The following IL1RAPL1 variants were observed in gnomAD, a reference collection of about 807,000 sequenced individuals.
IL1RAPL1 encodes interleukin 1 receptor accessory protein like 1.
Under a neutral mutation model 48.4 loss-of-function variants are expected in IL1RAPL1, and 3 were observed. That is an observed-to-expected ratio of 0.06 (90% CI 0.03 to 0.16). The LOEUF is 0.16. Ranked by LOEUF, IL1RAPL1 falls within the 10% of genes least tolerant of loss-of-function variation. The pLI is 1.00. For missense variants in IL1RAPL1, 349 were observed against 530.6 expected, an observed-to-expected ratio of 0.66 and a Z score of 3.36; for synonymous variants, 185 against 187.7, an observed-to-expected ratio of 0.99 and a Z score of 0.12.
chrX:28,603,141 G>A (rs1188340703), intron 1 of IL1RAPL1, among the ~76,000 whole-genome samples: 1 of 111,597 alleles, frequency 9.0e-6, no homozygotes, highest in African/African-American at 3.3e-5. Flanking sequence ...GGAGTTGTAG[G>A]CAACATATTT....
At chrX:29,221,357 T>C (rs1930970693) in intron 2 of IL1RAPL1, among the ~76,000 whole-genome samples, 3 of 111,140 alleles carry the variant, frequency 2.7e-5, no homozygotes, top group Admixed American at 9.7e-5. Flanking sequence ...CAAAGATCAA[T>C]GGAATGAAGG....
chrX:28,958,444 G>A (rs1457058429), intron 2 of IL1RAPL1, among the ~76,000 whole-genome samples: 4 of 111,176 alleles, frequency 3.6e-5, no homozygotes, highest in Admixed American at 9.7e-5. Context: ...AAATTTGGGG[G>A]TCATAACGTT....
intron 3 of IL1RAPL1, among the ~76,000 whole-genome samples, chrX:29,333,699 G>C (rs746094077): frequency 0.066 from 3,081 of 46,431 alleles, 134 homozygotes; most frequent in East Asian, 0.13. Context: ...GTGGCTGGCC[G>C]GGCGGGGGGC....
intron 6 of IL1RAPL1, among the ~76,000 whole-genome samples, chrX:29,752,418 C>T (rs186854065): frequency 9.5e-6 from 1 of 105,010 alleles, no homozygotes; most frequent in Non-Finnish European, 1.9e-5. Flanking sequence ...ATCGCTTGAA[C>T]CCAGGAGGCG....
chrX:28,875,568 A>G (rs1297522768), intron 2 of IL1RAPL1, among the ~76,000 whole-genome samples: 1 of 111,686 alleles, frequency 9.0e-6, no homozygotes. Flanking sequence ...CTCATGTTCA[A>G]ATGTGATCTC....
chrX:29,494,056 G>A (rs1034416011), intron 5 of IL1RAPL1, among the ~76,000 whole-genome samples: 1 of 109,879 alleles, frequency 9.1e-6, no homozygotes, highest in Non-Finnish European at 1.9e-5. Flanking sequence ...CATCAGGCCC[G>A]GCTACTTTTT....
intron 2 of IL1RAPL1, among the ~76,000 whole-genome samples, chrX:28,921,045 G>A: frequency 9.0e-6 from 1 of 111,119 alleles, no homozygotes; most frequent in East Asian, 2.9e-4. Context: ...CCCTACTTGA[G>A]GGTGGGATTG....
intron 2 of IL1RAPL1, among the ~76,000 whole-genome samples, chrX:28,827,742 C>T (rs1937008548): frequency 9.0e-6 from 1 of 111,609 alleles, no homozygotes; most frequent in Non-Finnish European, 1.9e-5. Flanking sequence ...TGCTTTCCCA[C>T]AAATATTGAA....
At chrX:28,845,828 G>A (rs778494102) in intron 2 of IL1RAPL1, among the ~76,000 whole-genome samples, 3 of 110,696 alleles carry the variant, frequency 2.7e-5, no homozygotes, top group Non-Finnish European at 5.7e-5. Flanking sequence ...GAAGGTACAG[G>A]GATTTATTTT....
chrX:28,634,325 ATG>A (rs756591652), intron 1 of IL1RAPL1, among the ~76,000 whole-genome samples: 1,522 of 106,429 alleles, frequency 0.014, 15 homozygotes, highest in Middle Eastern at 0.03. Context: ...TTATATATAT[ATG>A]TGTGTGTGTG....
At chrX:29,219,813 T>C (rs1367068323) in intron 2 of IL1RAPL1, among the ~76,000 whole-genome samples, 1 of 111,416 alleles carries the variant, frequency 9.0e-6, no homozygotes, top group Non-Finnish European at 1.9e-5. Context: ...CAGCCTTACT[T>C]CCTGCTACTC....
intron 8 of IL1RAPL1, among the ~76,000 whole-genome samples, chrX:29,920,997 C>T (rs911890212): frequency 9.0e-6 from 1 of 110,675 alleles, no homozygotes; most frequent in East Asian, 2.8e-4. Flanking sequence ...ACAATAGTCT[C>T]CAATGATGAA....
intron 6 of IL1RAPL1, among the ~76,000 whole-genome samples, chrX:29,726,431 T>G (rs1208480552): frequency 1.8e-5 from 2 of 112,064 alleles, no homozygotes; most frequent in Non-Finnish European, 3.8e-5. Flanking sequence ...AAAATTAGTA[T>G]TTGTACTCAA....
intron 2 of IL1RAPL1, among the ~76,000 whole-genome samples, chrX:29,282,599 A>G (rs1569276444): frequency 1.8e-5 from 2 of 112,204 alleles, no homozygotes; most frequent in Admixed American, 9.5e-5. Flanking sequence ...AGTTAAGAAA[A>G]ACATATCTCA....
At chrX:29,142,343 C>T (rs957783106) in intron 2 of IL1RAPL1, among the ~76,000 whole-genome samples, 2 of 111,764 alleles carry the variant, frequency 1.8e-5, no homozygotes, top group Admixed American at 9.5e-5. Context: ...AATTGAGTTA[C>T]ATGCTACAAA....
intron 5 of IL1RAPL1, among the ~76,000 whole-genome samples, chrX:29,583,690 A>C (rs898457706): frequency 2.3e-5 from 2 of 86,864 alleles, no homozygotes; most frequent in East Asian, 3.7e-4. Context: ...GCTACCAATG[A>C]CTTTCTTCAC....
intron 2 of IL1RAPL1, among the ~76,000 whole-genome samples, chrX:28,790,439 G>A (rs745384456): frequency 1.8e-5 from 2 of 112,818 alleles, no homozygotes; most frequent in South Asian, 3.6e-4. Flanking sequence ...ATGATATAAC[G>A]AAAAAGCCCA....
chrX:29,192,152 C>T (rs779012501), intron 2 of IL1RAPL1, among the ~76,000 whole-genome samples: 152 of 111,785 alleles, frequency 1.4e-3, no homozygotes, highest in African/African-American at 4.9e-3. Flanking sequence ...GGGGACACGA[C>T]TCGCAGGCAT....
intron 5 of IL1RAPL1, among the ~76,000 whole-genome samples, chrX:29,534,843 C>T (rs1921165715): frequency 9.1e-6 from 1 of 109,689 alleles, no homozygotes; most frequent in Non-Finnish European, 1.9e-5. Flanking sequence ...GTGGCGGGCG[C>T]CTGTAGTCCC....
Sources: allele counts gnomAD v4.1 joint callset (sites outside exome capture counted in the v4.1 genomes callset), GRCh38; gene constraint gnomAD v4.1.1; transcripts MANE v1.5; gene names NCBI Gene and HGNC (gene_info 2026-07-23, HGNC 2026-07-21).